Variants in OR6C4 observed in about 807,000 individuals in gnomAD.
The protein encoded by OR6C4 is olfactory receptor family 6 subfamily C member 4, also known as olfactory receptor 6C4.
A neutral mutation model predicts 15.1 loss-of-function variants in OR6C4; 20 were observed. The observed-to-expected ratio is 1.32, with a 90% CI of 0.93 to 1.92. The LOEUF (loss-of-function observed/expected upper bound fraction) is 1.92. OR6C4 is among the 30% of genes most tolerant of loss of function. The pLI is 0.00. For missense variants in OR6C4, 491 were observed against 363.2 expected (o/e 1.35, Z -2.86); for synonymous variants, 179 against 134.2 (o/e 1.33, Z -2.31).
Position 55,552,065 on chromosome 12 carries a change from C to T in OR6C4, c.839C>T (p.Thr280Ile). ...ATAGCTGTACTCATTACTTCGGTTACTCCCTTACTGAATCCCTTCATATAT... is the reference window on the plus strand; with the variant it reads ...ATAGCTGTACTCATTACTTCGGTTATTCCCTTACTGAATCCCTTCATATAT... ...KGIAVLITSV[T>I]PLLNPFIYTL... Residue 280 changes from threonine to isoleucine, a missense_variant, in exon 2 of 2, where the codon ACT (threonine) becomes ATT (isoleucine). Coordinates refer to ENST00000641569, the MANE Select transcript of OR6C4 (RefSeq NM_001005494.2). The T allele has an allele frequency of 6.2e-7, 1 of 1,613,056 alleles. No individual in the cohort carries two copies. The highest frequency in any genetic ancestry group is 8.5e-7 in the Non-Finnish European group (1 of 1,179,466).
chr12:55,552,804 C>G lies in OR6C4; in HGVS notation c.*648C>G, dbSNP rs1873912685. 6.6e-6 allele frequency: 1 copy of G among 152,070 alleles called. No homozygotes were observed. The highest frequency in any genetic ancestry group is 2.4e-5 in the African/African-American group (1 of 41,432). 9.4% of individuals were successfully genotyped at this position (152,070 alleles called of 1,614,324 possible). ...AGAAAATTTTTAAGATTTTTGTCAA[C>G]TTAATATGTCCATTTTCTAGTTTAT... On this transcript the variant is annotated 3_prime_UTR_variant, in exon 2 of 2. Transcript: ENST00000641569.
At position 55,549,996 on chromosome 12, in the gene OR6C4, G is replaced by T. The variant is rs545619930; in HGVS notation, c.-141G>T. The T allele has an allele frequency of 6.6e-6, 1 of 152,168 alleles. No individual in the cohort carries two copies. Among genetic ancestry groups the T allele is most frequent in the East Asian group, 1.9e-4 (1 of 5,198 alleles). 9.4% of individuals were successfully genotyped at this position (152,168 alleles called of 1,614,324 possible). On this transcript the variant is annotated 5_prime_UTR_variant, in exon 1 of 2. Transcript: ENST00000641569. ...ACAGTATACTATAGTCATTCAGGTT[G>T]TCAAAGGTATGAGCAACATATGTTT...
chr12:55,549,614 T>C lies in OR6C4; in HGVS notation c.-523T>C, dbSNP rs1592335304. Reference sequence around the variant, plus strand: ...ACAGAAACTGCAGAGATGCCCATCCTCTGCCATCTAAGAACTTCAACATAA... The same window carrying C: ...ACAGAAACTGCAGAGATGCCCATCCCCTGCCATCTAAGAACTTCAACATAA... On this transcript the variant is annotated 5_prime_UTR_variant, in exon 1 of 2. Coordinates refer to ENST00000641569, the MANE Select transcript of OR6C4 (RefSeq NM_001005494.2). 6.6e-6 allele frequency: 1 copy of C among 152,344 alleles called. No homozygotes were observed. Among genetic ancestry groups the C allele is most frequent in the South Asian group, 2.1e-4 (1 of 4,830 alleles). The allele number at this position is 152,344 out of a possible 1,614,324, so 9.4% of individuals were successfully genotyped here.
At position 55,552,050 on chromosome 12, in the gene OR6C4, T is replaced by C. The variant is rs1279663670; in HGVS notation, c.824T>C (p.Leu275Pro). 1.2e-6 allele frequency: 2 copies of C among 1,613,072 alleles called. No homozygotes were observed. The highest frequency in any genetic ancestry group is 2.2e-5 in the South Asian group (2 of 91,062). ...GGAFNKGIAV[L>P]ITSVTPLLNP... ...GCTTTCAACAAAGGAATAGCTGTACTCATTACTTCGGTTACTCCCTTACTG... is the reference window on the plus strand; with the variant it reads ...GCTTTCAACAAAGGAATAGCTGTACCCATTACTTCGGTTACTCCCTTACTG... The change falls in exon 2 of 2, where the codon CTC becomes CCC. Residue 275 changes from leucine (L) to proline (P), a missense_variant. Leu to Pro is a moderately conservative substitution (Grantham distance 98). Transcript: ENST00000641569.
rs748834788 is a variant in OR6C4 at position 55,551,747 on chromosome 12, A to T, written c.521A>T (p.His174Leu). 1 of 1,613,854 alleles carries T rather than the reference A, an allele frequency of 6.2e-7. No individual in the cohort carries two copies. The highest frequency in any genetic ancestry group is 2.2e-5 in the East Asian group (1 of 44,862). ...VDFCVSNILN[H>L]YYCDYGPLVE... is the part of the protein sequence containing the mutation. ...TTCTGTGTCTCCAACATTCTGAATC[A>T]CTATTACTGTGACTATGGGCCTCTC... The change falls in exon 2 of 2, where the codon CAC (histidine) becomes CTC (leucine). Residue 174 changes from histidine to leucine, a missense_variant. Physicochemically the swap from His to Leu is moderately conservative, Grantham distance 99. Coordinates refer to ENST00000641569, the MANE Select transcript of OR6C4 (RefSeq NM_001005494.2).
At chr12:55,550,604 T>C (rs1873828030) in intron 1 of OR6C4, among the ~76,000 whole-genome samples, 1 of 152,146 alleles carries the variant, frequency 6.6e-6, no homozygotes, top group Non-Finnish European at 1.5e-5. Context: ...TAATATGACA[T>C]ATTGATGCTT....
In OR6C4 at chr12:55,553,500, G is replaced by A. The variant is rs528836428; in HGVS notation, c.*1344G>A. Reference sequence around the variant, plus strand: ...AACTGATTATGAGAGCAAATTATCAGAGCCACAGAAGGTATTGGAGAATGT... The same window carrying A: ...AACTGATTATGAGAGCAAATTATCAAAGCCACAGAAGGTATTGGAGAATGT... On this transcript the variant is annotated 3_prime_UTR_variant, in exon 2 of 2. Transcript: ENST00000641569. The A allele has an allele frequency of 7.9e-5, 12 of 152,286 alleles. No homozygotes were observed. Among genetic ancestry groups the A allele is most frequent in the Non-Finnish European group, 1.5e-4 (10 of 68,008 alleles). The allele number at this position is 152,286 out of a possible 1,614,324, so 9.4% of individuals were successfully genotyped here.
Position 55,549,996 on chromosome 12 carries a change from G to C in OR6C4, c.-141G>C, listed in dbSNP as rs545619930. On this transcript the variant is annotated 5_prime_UTR_variant, in exon 1 of 2. Coordinates refer to ENST00000641569, the MANE Select transcript of OR6C4 (RefSeq NM_001005494.2). ...ACAGTATACTATAGTCATTCAGGTTGTCAAAGGTATGAGCAACATATGTTT... is the reference window on the plus strand; with the variant it reads ...ACAGTATACTATAGTCATTCAGGTTCTCAAAGGTATGAGCAACATATGTTT... 1 of 152,168 alleles carries C rather than the reference G, an allele frequency of 6.6e-6. No homozygotes were observed. Among genetic ancestry groups the C allele is most frequent in the African/African-American group, 2.4e-5 (1 of 41,438 alleles). The allele number at this position is 152,168 out of a possible 1,614,324, so 9.4% of individuals were successfully genotyped here. A position where few individuals can be genotyped will look rare whatever the true frequency, so the allele number is the denominator to read the frequency against.
chr12:55,549,621 T>C lies in OR6C4; in HGVS notation c.-516T>C, dbSNP rs2135865971. On this transcript the variant is annotated 5_prime_UTR_variant, in exon 1 of 2. Transcript: ENST00000641569. ...CTGCAGAGATGCCCATCCTCTGCCA[T>C]CTAAGAACTTCAACATAATCTCTCT... 1 of 152,332 alleles carries C rather than the reference T, an allele frequency of 6.6e-6. No homozygotes were observed. Among genetic ancestry groups the C allele is most frequent in the South Asian group, 2.1e-4 (1 of 4,824 alleles). The allele number at this position is 152,332 out of a possible 1,614,324, so 9.4% of individuals were successfully genotyped here. A position where few individuals can be genotyped will look rare whatever the true frequency, so the allele number is the denominator to read the frequency against.
Position 55,551,882 on chromosome 12 carries a change from T to C in OR6C4, c.656T>C (p.Ile219Thr). Reference protein sequence around the residue: ...LVLVTLSYTYIIRTILRIPSA... With the variant: ...LVLVTLSYTYTIRTILRIPSA... ...CTGGTGACACTTTCTTACACATACA[T>C]TATCAGGACTATTCTGAGGATCCCT... Residue 219 changes from isoleucine to threonine, a missense_variant, in exon 2 of 2, where the codon ATT (isoleucine) becomes ACT (threonine). Ile to Thr is a moderately conservative substitution (Grantham distance 89). Coordinates refer to ENST00000641569, the MANE Select transcript of OR6C4 (RefSeq NM_001005494.2). The C allele has an allele frequency of 6.2e-7, 1 of 1,613,818 alleles. No homozygotes were observed.
At position 55,552,154 on chromosome 12, in the gene OR6C4, TA is replaced by T; in HGVS notation, c.*4del. On this transcript the variant is annotated frameshift_variant and stop_lost, in exon 2 of 2. Transcript: ENST00000641569. LOFTEE classifies it high-confidence loss of function. Reference protein sequence around the residue: ...KDSVKKIVKL* With the variant: ...KDSVKKIVKLX Reference sequence around the variant, plus strand: ...CTCAGTCAAAAAGATTGTGAAACTTTAAAAAAGGAGATTACACTTCAAAATA... The same window carrying T: ...CTCAGTCAAAAAGATTGTGAAACTTTAAAAAGGAGATTACACTTCAAAATA... 3 of 1,582,186 alleles carry T rather than the reference TA, an allele frequency of 1.9e-6. No individual in the cohort carries two copies. The highest frequency in any genetic ancestry group is 1.2e-5 in the South Asian group (1 of 85,708).
chr12:55,552,081 C>T lies in OR6C4; in HGVS notation c.855C>T (p.Pro285=), dbSNP rs1212685306. 6.2e-7 allele frequency: 1 copy of T among 1,612,034 alleles called. No individual in the cohort carries two copies. The highest frequency in any genetic ancestry group is 8.5e-7 in the Non-Finnish European group (1 of 1,179,396). The part of the protein sequence containing the change: ...LITSVTPLLN[P]FIYTLRNQQV... ...CTTCGGTTACTCCCTTACTGAATCC[C>T]TTCATATATACTTTAAGAAATCAGC... The change falls in exon 2 of 2, where the codon CCC becomes CCT. Residue 285 remains proline (P), a synonymous_variant. Transcript: ENST00000641569.
rs1033140911 is a variant in OR6C4, at chr12:55,555,063, T to C, written c.*2907T>C. 3.3e-5 allele frequency: 5 copies of C among 152,120 alleles called. No individual in the cohort carries two copies. Among genetic ancestry groups the C allele is most frequent in the African/African-American group, 4.8e-5 (2 of 41,416 alleles). 9.4% of individuals were successfully genotyped at this position (152,120 alleles called of 1,614,324 possible). A position where few individuals can be genotyped will look rare whatever the true frequency, so the allele number is the denominator to read the frequency against. On this transcript the variant is annotated 3_prime_UTR_variant, in exon 2 of 2. Coordinates refer to ENST00000641569, the MANE Select transcript of OR6C4 (RefSeq NM_001005494.2). ...AAGTAATGGCAAAAACTGCAATTAC[T>C]TTTGCACCAACCAAATAAAAATACA...
Position 55,551,557 on chromosome 12 carries a change from T to C in OR6C4, c.331T>C (p.Tyr111His). The C allele has an allele frequency of 6.2e-7, 1 of 1,613,980 alleles. No individual in the cohort carries two copies. The highest frequency in any genetic ancestry group is 1.1e-5 in the South Asian group (1 of 91,088). Reference protein sequence around the residue: ...FAIFLGATEFYLLASMSYDRY... With the variant: ...FAIFLGATEFHLLASMSYDRY... ...TATATTTCTTGGAGCTACCGAGTTT[T>C]ACCTCCTGGCCTCCATGTCTTATGA... Residue 111 changes from tyrosine (Y) to histidine (H), a missense_variant, in exon 2 of 2, where the codon TAC (tyrosine) becomes CAC (histidine). Tyr to His is a moderately conservative substitution (Grantham distance 83, BLOSUM62 2). Transcript: ENST00000641569.
rs1461902188 is a variant in OR6C4, at chr12:55,553,765, CT to C, written c.*1612del. 2 of 152,094 alleles carry C rather than the reference CT, an allele frequency of 1.3e-5. No homozygotes were observed. Among genetic ancestry groups the C allele is most frequent in the African/African-American group, 4.8e-5 (2 of 41,422 alleles). The allele number at this position is 152,094 out of a possible 1,614,324, so 9.4% of individuals were successfully genotyped here. A position where few individuals can be genotyped will look rare whatever the true frequency, so the allele number is the denominator to read the frequency against. ...GTCATATAGTGGCTTAAAACATAGG[CT>C]TTAGTTCAAATCCCAGATTTTCAAC... On this transcript the variant is annotated 3_prime_UTR_variant, in exon 2 of 2. Coordinates refer to ENST00000641569, the MANE Select transcript of OR6C4 (RefSeq NM_001005494.2).
At position 55,551,522 on chromosome 12, in the gene OR6C4, AT is replaced by A; in HGVS notation, c.303del (p.Phe101LeufsTer31). 1.2e-6 allele frequency: 2 copies of A among 1,613,694 alleles called. No individual in the cohort carries two copies. The highest frequency in any genetic ancestry group is 1.7e-6 in the Non-Finnish European group (2 of 1,179,878). On this transcript the variant is annotated frameshift_variant, in exon 2 of 2. Transcript: ENST00000641569. LOFTEE classifies it high-confidence loss of function. The part of the protein sequence containing the change: ...VISFAGCLTQ[Y>X]FFAIFLGATE... ...AGCTTTGCTGGCTGCTTGACTCAGT[AT>A]TTTTTTGCTATATTTCTTGGAGCTA... is the stretch of plus-strand genomic sequence containing the variant.
Position 55,551,468 on chromosome 12 carries a change from C to A in OR6C4, c.242C>A (p.Thr81Asn), listed in dbSNP as rs1260944578. 1.2e-6 allele frequency: 2 copies of A among 1,613,842 alleles called. No individual in the cohort carries two copies. Among genetic ancestry groups the A allele is most frequent in the South Asian group, 2.2e-5 (2 of 91,040 alleles). The stretch of plus-strand genomic sequence containing the variant: ...TCCATTTTTATTCCCAGATTTCTGA[C>A]CAGCATGACAACAGGAAATAAAGTT... ...FTSIFIPRFL[T>N]SMTTGNKVIS... The change falls in exon 2 of 2, where the codon ACC (threonine) becomes AAC (asparagine). Residue 81 changes from threonine (T) to asparagine (N), a missense_variant. Coordinates refer to ENST00000641569, the MANE Select transcript of OR6C4 (RefSeq NM_001005494.2).
Position 55,551,464 on chromosome 12 carries a change from C to T in OR6C4, c.238C>T (p.Leu80=). ...CACATCCATTTTTATTCCCAGATTT[C>T]TGACCAGCATGACAACAGGAAATAA... ...SFTSIFIPRF[L]TSMTTGNKVI... is the part of the protein sequence containing the mutation. Residue 80 remains leucine, a synonymous_variant, in exon 2 of 2, where the codon CTG becomes TTG. Coordinates refer to ENST00000641569, the MANE Select transcript of OR6C4 (RefSeq NM_001005494.2). 6.2e-7 allele frequency: 1 copy of T among 1,613,924 alleles called. No homozygotes were observed. Among genetic ancestry groups the T allele is most frequent in the Non-Finnish European group, 8.5e-7 (1 of 1,179,924 alleles).
chr12:55,555,498 C>T lies in OR6C4; in HGVS notation c.*3342C>T, dbSNP rs190100699. Reference sequence around the variant, plus strand: ...ATACATTCTTTTGTTCCTTTCCAGGCCAGGTGCAGTGGCTCTTGCCTGTAA... The same window carrying T: ...ATACATTCTTTTGTTCCTTTCCAGGTCAGGTGCAGTGGCTCTTGCCTGTAA... On this transcript the variant is annotated 3_prime_UTR_variant, in exon 2 of 2. Coordinates refer to ENST00000641569, the MANE Select transcript of OR6C4 (RefSeq NM_001005494.2). 2 of 152,368 alleles carry T rather than the reference C, an allele frequency of 1.3e-5. No individual in the cohort carries two copies. Among genetic ancestry groups the T allele is most frequent in the East Asian group, 3.9e-4 (2 of 5,188 alleles). The allele number at this position is 152,368 out of a possible 1,614,324, so 9.4% of individuals were successfully genotyped here.
Sources: allele counts gnomAD v4.1 joint callset (sites outside exome capture counted in the v4.1 genomes callset), GRCh38; gene constraint gnomAD v4.1.1; transcripts MANE v1.5; gene names NCBI Gene and HGNC (gene_info 2026-07-23, HGNC 2026-07-21).